Variants in CARMIL1 observed in about 807,000 individuals in gnomAD.
CARMIL1 encodes the protein capping protein regulator and myosin 1 linker 1.
In CARMIL1, 90 loss-of-function variants were observed where a neutral mutation model predicts 177.1. The ratio of observed to expected loss-of-function variants is 0.51; its 90% CI spans 0.43 to 0.61. The LOEUF (loss-of-function observed/expected upper bound fraction) is 0.61. Among genes scored for constraint, CARMIL1 ranks in the 20% least tolerant of loss-of-function variants. The pLI is 0.00. For missense variants in CARMIL1, 1,380 were observed against 1,667.0 expected, an observed-to-expected ratio of 0.83 and a Z score of 3.00; for synonymous variants, 577 against 606.2, an observed-to-expected ratio of 0.95 and a Z score of 0.71.
chr6:25,346,036 G>A (rs904283876), intron 2 of CARMIL1, among the ~76,000 whole-genome samples: 4 of 152,152 alleles, frequency 2.6e-5, no homozygotes, highest in African/African-American at 7.2e-5. Context: ...CCTGGTCTAA[G>A]CTGCCATAAT....
At chr6:25,370,597 C>T (rs979559962) in intron 2 of CARMIL1, among the ~76,000 whole-genome samples, 2 of 152,118 alleles carry the variant, frequency 1.3e-5, no homozygotes, top group African/African-American at 2.4e-5. Flanking sequence ...GTCATACAGC[C>T]CCTGCATTTG....
intron 2 of CARMIL1, among the ~76,000 whole-genome samples, chr6:25,365,056 CAAAAT>C (rs1427049763): frequency 3.3e-5 from 5 of 152,268 alleles, no homozygotes; most frequent in South Asian, 2.1e-4. Flanking sequence ...CCTCTGTACT[CAAAAT>C]AAAGTCTCTC....
chr6:25,555,672 C>T (rs59690002), intron 28 of CARMIL1, among the ~76,000 whole-genome samples: 3,949 of 152,218 alleles, frequency 0.026, 154 homozygotes, highest in African/African-American at 0.084. Context: ...GCTGGGATTA[C>T]AGGTATAAGC....
At chr6:25,494,039 A>T (rs899262367) in intron 15 of CARMIL1, among the ~76,000 whole-genome samples, 1 of 151,034 alleles carries the variant, frequency 6.6e-6, no homozygotes, top group South Asian at 2.1e-4. Context: ...TTAAAAAAAA[A>T]CCTGTCAAAT....
chr6:25,319,260 C>G (rs971707676), intron 2 of CARMIL1, among the ~76,000 whole-genome samples: 1 of 152,096 alleles, frequency 6.6e-6, no homozygotes, highest in Non-Finnish European at 1.5e-5. Context: ...ATGTGGCTGA[C>G]TTCTTGTTCT....
Position 25,357,168 on chromosome 6 carries a change from C to T in CARMIL1, c.139-62946C>T, listed in dbSNP as rs986236829. On this transcript the variant is annotated intron_variant, in intron 2 of 36. Coordinates refer to ENST00000329474, the MANE Select transcript of CARMIL1 (RefSeq NM_017640.6). ...CAGGAGGATTTACTTCTAAAATAAA[C>T]GTAATTAATTAGATAACTGGAATTT... 6.0e-5 allele frequency among the ~76,000 whole-genome samples: 9 copies of T among 149,820 alleles called. No homozygotes were observed. The East Asian group carries it at 1.2e-3, about 20-fold the overall frequency.
In CARMIL1 at chr6:25,279,625, T is replaced by C. The variant is rs1581423188; in HGVS notation, c.-171T>C. ...CATTTGCAACTCTTTTTTTTTTTTT[T>C]GGTGGGGCGGGGGGCGCGCGGCAAA... On this transcript the variant is annotated 5_prime_UTR_variant, in exon 1 of 37. Transcript: ENST00000329474. The C allele has an allele frequency of 5.2e-6, 3 of 579,152 alleles. No individual in the cohort carries two copies. Among genetic ancestry groups the C allele is most frequent in the South Asian group, 4.5e-5 (2 of 44,628 alleles). 35.9% of individuals were successfully genotyped at this position (579,152 alleles called of 1,614,324 possible).
chr6:25,572,910 A>G (rs1812233918), intron 29 of CARMIL1, among the ~76,000 whole-genome samples: 1 of 152,160 alleles, frequency 6.6e-6, no homozygotes, highest in South Asian at 2.1e-4. Context: ...TTTGGTAACA[A>G]TGGTTGGTAC....
Position 25,290,697 on chromosome 6 carries a change from A to C in CARMIL1, c.138+5788A>C, listed in dbSNP as rs79748065. Among the ~76,000 whole-genome samples the C allele has an allele frequency of 2.4e-3, 371 of 152,124 alleles. 1 individual carries two copies. The highest frequency in any genetic ancestry group is 7.9e-3 in the African/African-American group (330 of 41,518). On this transcript the variant is annotated intron_variant, in intron 2 of 36. Coordinates refer to ENST00000329474, the MANE Select transcript of CARMIL1 (RefSeq NM_017640.6). Reference sequence around the variant, plus strand: ...AGCAAGTAGGGGAAGTGGCATACAAATCGAACTATTCTGTTTTGTTTACCT... The same window carrying C: ...AGCAAGTAGGGGAAGTGGCATACAACTCGAACTATTCTGTTTTGTTTACCT...
intron 12 of CARMIL1, among the ~76,000 whole-genome samples, chr6:25,486,204 T>C (rs1178597299): frequency 1.3e-5 from 2 of 152,216 alleles, no homozygotes; most frequent in South Asian, 2.1e-4. Context: ...AGCCTTGATT[T>C]TTTTTCAATT....
chr6:25,394,308 T>G (rs1331234385), intron 2 of CARMIL1, among the ~76,000 whole-genome samples: 1 of 152,198 alleles, frequency 6.6e-6, no homozygotes, highest in African/African-American at 2.4e-5. Context: ...TTCAGTCTTC[T>G]AACAACGCTA....
intron 8 of CARMIL1, among the ~76,000 whole-genome samples, chr6:25,457,348 A>C (rs1247565740): frequency 1.3e-5 from 2 of 152,154 alleles, no homozygotes; most frequent in African/African-American, 4.8e-5. Flanking sequence ...GCTGTTGGGG[A>C]TGAATGATCA....
At chr6:25,384,284 G>T (rs114625159) in intron 2 of CARMIL1, among the ~76,000 whole-genome samples, 1 of 152,206 alleles carries the variant, frequency 6.6e-6, no homozygotes, top group African/African-American at 2.4e-5. Context: ...CAGCTCACAC[G>T]CAGCAACAGC....
chr6:25,373,215 C>CT lies in CARMIL1; in HGVS notation c.139-46889dup, dbSNP rs568734233. 1.6e-4 allele frequency among the ~76,000 whole-genome samples: 23 copies of CT among 147,242 alleles called. No homozygotes were observed. The East Asian group carries it at 2.6e-3, about 16-fold the overall frequency. On this transcript the variant is annotated intron_variant, in intron 2 of 36. Transcript: ENST00000329474. ...GGTATTGTTCTGTAGTTTTCTTTGT[C>CT]TTTTTTTTTTCTGTTATATCCTTTC... is the stretch of plus-strand genomic sequence containing the variant.
intron 2 of CARMIL1, among the ~76,000 whole-genome samples, chr6:25,333,398 GCAAAAAATA>G: frequency 1.3e-5 from 2 of 151,994 alleles, no homozygotes; most frequent in South Asian, 2.1e-4. Flanking sequence ...CCCCTTCTCT[GCAAAAAATA>G]CAAAAAATAC....
intron 26 of CARMIL1, among the ~76,000 whole-genome samples, chr6:25,543,747 T>G (rs771641307): frequency 1.4e-4 from 21 of 152,094 alleles, no homozygotes; most frequent in Non-Finnish European, 2.6e-4. Context: ...GTTTTCTGAG[T>G]TTTCTTCTTT....
In CARMIL1 at chr6:25,600,664, G is replaced by A; in HGVS notation, c.3470G>A (p.Arg1157Lys). 4 of 1,611,978 alleles carry A rather than the reference G, an allele frequency of 2.5e-6. No individual in the cohort carries two copies. The highest frequency in any genetic ancestry group is 3.4e-6 in the Non-Finnish European group (4 of 1,178,890). Residue 1157 changes from arginine to lysine, a missense_variant, in exon 33 of 37, where the codon AGG (arginine) becomes AAG (lysine). Physicochemically the swap from Arg to Lys is conservative, Grantham distance 26. Coordinates refer to ENST00000329474, the MANE Select transcript of CARMIL1 (RefSeq NM_017640.6). Reference sequence around the variant, plus strand: ...AAGAGCAGCCCACAGGCAGGGCGGAGGTATGGGGTCCAGGTGATGGGCAGT... The same window carrying A: ...AAGAGCAGCCCACAGGCAGGGCGGAAGTATGGGGTCCAGGTGATGGGCAGT... ...DSKSSPQAGR[R>K]YGVQVMGSGL...
At chr6:25,307,740 G>A (rs56023344) in intron 2 of CARMIL1, among the ~76,000 whole-genome samples, 35 of 152,344 alleles carry the variant, frequency 2.3e-4, no homozygotes, top group Admixed American at 3.3e-4. Flanking sequence ...TATTGTTAGA[G>A]TAGTTCTGTG....
intron 2 of CARMIL1, among the ~76,000 whole-genome samples, chr6:25,295,460 G>A (rs115205893): frequency 3.3e-5 from 5 of 152,142 alleles, no homozygotes; most frequent in East Asian, 1.9e-4. Context: ...GGATAAATTC[G>A]TGGAAGTGGA....
Sources: allele counts gnomAD v4.1 joint callset (sites outside exome capture counted in the v4.1 genomes callset), GRCh38; gene constraint gnomAD v4.1.1; transcripts MANE v1.5; gene names NCBI Gene and HGNC (gene_info 2026-07-23, HGNC 2026-07-21).